Variants in CCDC83 observed in about 807,000 individuals in gnomAD.
CCDC83 encodes coiled-coil domain-containing protein 83.
In CCDC83, 54 loss-of-function variants were observed where a neutral mutation model predicts 50.1. The observed-to-expected ratio is 1.08, with a 90% CI of 0.87 to 1.35. CCDC83 has a LOEUF of 1.35. Ranked by LOEUF, CCDC83 falls within the 40% of genes most tolerant of loss-of-function variation. The probability of loss-of-function intolerance (pLI) is 0.00; values close to 1 mark genes in which losing one functional copy is unlikely to be tolerated. For synonymous variants in CCDC83, 161 were observed against 153.3 expected (o/e 1.05, Z -0.37); for missense variants, 518 against 473.9 (o/e 1.09, Z -0.86).
In CCDC83 at chr11:85,916,101, C is replaced by T; in HGVS notation, c.948C>T (p.Ile316=). The T allele has an allele frequency of 6.2e-7, 1 of 1,613,308 alleles. No homozygotes were observed. Among genetic ancestry groups the T allele is most frequent in the Non-Finnish European group, 8.5e-7 (1 of 1,179,364 alleles). The change falls in exon 10 of 11, where the codon ATC becomes ATT. Residue 316 remains isoleucine (I), a synonymous_variant. Transcript: ENST00000342404. The part of the protein sequence containing the change: ...DLMSSSDEST[I]LHLSHENSIE... ...TGTCCTCATCAGATGAGAGCACTATCTTACATCTTAGTCATGAAAATAGCA... is the reference window on the plus strand; with the variant it reads ...TGTCCTCATCAGATGAGAGCACTATTTTACATCTTAGTCATGAAAATAGCA...
Position 85,895,287 on chromosome 11 carries a change from T to TTTTTAAA in CCDC83, c.512-5_512-4insTTTAAAT. ...TTCTTTTTTTTTTTTTTTTTTTTTT[T>TTTTTAAA]TAAAGAACACTATAAAATCACTCTG... On this transcript the variant is annotated splice_region_variant and splice_polypyrimidine_tract_variant and intron_variant, in intron 5 of 10. Transcript: ENST00000342404. 1.2e-6 allele frequency: 1 copy of TTTTTAAA among 839,696 alleles called. No homozygotes were observed. Among genetic ancestry groups the TTTTTAAA allele is most frequent in the South Asian group, 2.0e-5 (1 of 50,044 alleles). The allele number at this position is 839,696 out of a possible 1,614,324, so 52.0% of individuals were successfully genotyped here.
intron 7 of CCDC83, among the ~76,000 whole-genome samples, chr11:85,900,275 A>G (rs1270739081): frequency 2.6e-5 from 4 of 152,246 alleles, no homozygotes; most frequent in Non-Finnish European, 5.9e-5. Flanking sequence ...ACATACCACC[A>G]AAGTGTTTAC....
intron 7 of CCDC83, among the ~76,000 whole-genome samples, chr11:85,908,723 A>T (rs2093437911): frequency 6.6e-6 from 1 of 150,708 alleles, no homozygotes; most frequent in African/African-American, 2.5e-5. Flanking sequence ...GACCAACATG[A>T]TGAAACCCCG....
chr11:85,873,258 A>C lies in CCDC83; in HGVS notation c.143A>C (p.Lys48Thr), dbSNP rs1041141597. ...GTGGAGCAATTCATGTTTCAAATAA[A>C]GACACTTAGGAAAAAGAACCAAAAA... ...DAVEQFMFQIKTLRKKNQKYH... is the reference protein window; with the variant it reads ...DAVEQFMFQITTLRKKNQKYH... The change falls in exon 3 of 11, where the codon AAG (lysine) becomes ACG (threonine). Residue 48 changes from lysine to threonine, a missense_variant. By Grantham distance (78) the Lys-to-Thr change is moderately conservative. Transcript: ENST00000342404. 2 of 1,563,614 alleles carry C rather than the reference A, an allele frequency of 1.3e-6. No homozygotes were observed. Among genetic ancestry groups the C allele is most frequent in the Non-Finnish European group, 1.7e-6 (2 of 1,151,266 alleles).
intron 3 of CCDC83, among the ~76,000 whole-genome samples, chr11:85,878,068 T>C (rs1322310154): frequency 6.6e-6 from 1 of 152,206 alleles, no homozygotes; most frequent in East Asian, 1.9e-4. Flanking sequence ...AAATTATTTA[T>C]TTTTCAGTTG....
chr11:85,874,013 G>A (rs977181058), intron 3 of CCDC83, among the ~76,000 whole-genome samples: 2 of 152,154 alleles, frequency 1.3e-5, no homozygotes, highest in African/African-American at 2.4e-5. Context: ...AGTAGAGCCT[G>A]GAGTCAGAGA....
chr11:85,866,661 CAAAACAAAAAAAA>C (rs1162326363), intron 2 of CCDC83, among the ~76,000 whole-genome samples: 1 of 114,180 alleles, frequency 8.8e-6, no homozygotes, highest in African/African-American at 3.2e-5. Flanking sequence ...CTCAAAAAAA[CAAAACAAAAAAAA>C]AAAACAGAAA....
At chr11:85,870,011 C>A (rs577623625) in intron 2 of CCDC83, among the ~76,000 whole-genome samples, 1 of 152,306 alleles carries the variant, frequency 6.6e-6, no homozygotes, top group East Asian at 1.9e-4. Context: ...CTCACATCAT[C>A]CTGAACTGCT....
intron 4 of CCDC83, among the ~76,000 whole-genome samples, chr11:85,883,204 C>A (rs933535589): frequency 6.6e-6 from 1 of 152,164 alleles, no homozygotes; most frequent in Non-Finnish European, 1.5e-5. Context: ...AGGCGTGAGC[C>A]ACCATGCCCA....
At chr11:85,885,577 T>C (rs1057043475) in intron 4 of CCDC83, among the ~76,000 whole-genome samples, 1 of 152,264 alleles carries the variant, frequency 6.6e-6, no homozygotes, top group African/African-American at 2.4e-5. Context: ...ACAAAGTTTA[T>C]ATCCCTGAAA....
At chr11:85,892,301 G>A (rs553100598) in intron 5 of CCDC83, among the ~76,000 whole-genome samples, 7 of 152,258 alleles carry the variant, frequency 4.6e-5, no homozygotes, top group East Asian at 1.9e-4. Context: ...GCAGTGTTTC[G>A]AGCTTTTACG....
chr11:85,911,676 C>G (rs922511339), intron 8 of CCDC83, among the ~76,000 whole-genome samples: 2 of 152,084 alleles, frequency 1.3e-5, no homozygotes, highest in South Asian at 2.1e-4. Context: ...CATTCAGGAG[C>G]CTCCAGACCA....
chr11:85,916,406 T>C, intron 10 of CCDC83, 173 bp downstream of exon 10: 1 of 610,552 alleles, frequency 1.6e-6, no homozygotes, highest in Non-Finnish European at 2.9e-6. Flanking sequence ...TCACTCCTAC[T>C]CTTGCCCAAT....
At chr11:85,912,822 A>G (rs924601273) in intron 8 of CCDC83, 1 of 862,946 alleles carries the variant, frequency 1.2e-6, no homozygotes, top group Non-Finnish European at 2.0e-6. Context: ...TAGGAAAGAG[A>G]TACCCTCTAA....
At chr11:85,887,900 TC>T (rs2093334616) in intron 5 of CCDC83, among the ~76,000 whole-genome samples, 1 of 149,200 alleles carries the variant, frequency 6.7e-6, no homozygotes, top group Non-Finnish European at 1.5e-5. Flanking sequence ...CCTCCCAGGC[TC>T]AAACAATCCT....
At chr11:85,918,326 T>C (rs1565160968) in intron 10 of CCDC83, among the ~76,000 whole-genome samples, 1 of 152,186 alleles carries the variant, frequency 6.6e-6, no homozygotes, top group Non-Finnish European at 1.5e-5. Context: ...AGACCACCTG[T>C]ACCTGTGTCC....
At chr11:85,876,401 T>G (rs1030479057) in intron 3 of CCDC83, among the ~76,000 whole-genome samples, 14 of 152,238 alleles carry the variant, frequency 9.2e-5, no homozygotes, top group African/African-American at 2.7e-4. Context: ...GTCACTTTCC[T>G]GGATTTGATA....
chr11:85,883,833 G>A (rs1448670356), intron 4 of CCDC83, among the ~76,000 whole-genome samples: 1 of 152,152 alleles, frequency 6.6e-6, no homozygotes, highest in Non-Finnish European at 1.5e-5. Flanking sequence ...TGTTTTGAGT[G>A]AAATCGTTTC....
At chr11:85,856,099 C>G (rs2093138766) in intron 1 of CCDC83, among the ~76,000 whole-genome samples, 2 of 145,400 alleles carry the variant, frequency 1.4e-5, no homozygotes, top group Non-Finnish European at 3.0e-5. Flanking sequence ...TGCCTCACTC[C>G]CTTCCTTATC....
Sources: allele counts gnomAD v4.1 joint callset (sites outside exome capture counted in the v4.1 genomes callset), GRCh38; gene constraint gnomAD v4.1.1; transcripts MANE v1.5; gene names NCBI Gene and HGNC (gene_info 2026-07-23, HGNC 2026-07-21).